The following SLCO2A1 variants were observed in gnomAD, a reference collection of about 807,000 sequenced individuals.
SLCO2A1 encodes matrin F/G 1.
A neutral mutation model predicts 71.7 loss-of-function variants in SLCO2A1; 60 were observed. The observed-to-expected ratio is 0.84, with a 90% CI of 0.68 to 1.04. The LOEUF is 1.04. Ranked by LOEUF, SLCO2A1 falls within the 50% of genes least tolerant of loss-of-function variation. The pLI is 0.00. For missense variants in SLCO2A1, 745 were observed against 813.4 expected, an observed-to-expected ratio of 0.92 and a Z score of 1.02; for synonymous variants, 308 against 326.7, an observed-to-expected ratio of 0.94 and a Z score of 0.62.
chr3:133,961,784 A>G (rs1026935899), intron 3 of SLCO2A1, among the ~76,000 whole-genome samples: 2 of 152,218 alleles, frequency 1.3e-5, no homozygotes, highest in Non-Finnish European at 2.9e-5. Flanking sequence ...AAGATCTTCC[A>G]AAGAACTTTC....
At chr3:134,029,392 A>G (rs1036478666) in intron 1 of SLCO2A1, among the ~76,000 whole-genome samples, 3 of 152,182 alleles carry the variant, frequency 2.0e-5, no homozygotes, top group Admixed American at 1.3e-4. Context: ...TCTCTCGCTT[A>G]TAACTCTGCC....
intron 1 of SLCO2A1, among the ~76,000 whole-genome samples, chr3:134,001,205 C>T (rs2108069752): frequency 6.6e-6 from 1 of 152,094 alleles, no homozygotes. Flanking sequence ...GCAACCTCTG[C>T]ATTCAAGGGA....
chr3:133,952,451 C>T lies in SLCO2A1; in HGVS notation c.725-1107G>A, dbSNP rs146430685. Among the ~76,000 whole-genome samples the T allele has an allele frequency of 1.5e-3, 221 of 152,302 alleles. 1 individual carries two copies. The highest frequency in any genetic ancestry group is 4.8e-3 in the African/African-American group (201 of 41,560). Reference sequence around the variant, plus strand: ...CCTGCCTTTCAGCCACCCCTTCAGCCGAGCTGGAACTTCGTATCCCACCCA... The same window carrying T: ...CCTGCCTTTCAGCCACCCCTTCAGCTGAGCTGGAACTTCGTATCCCACCCA... On this transcript the variant is annotated intron_variant, in intron 5 of 13. Transcript: ENST00000310926.
chr3:133,962,905 G>A (rs1417379529), intron 3 of SLCO2A1, among the ~76,000 whole-genome samples: 10 of 152,128 alleles, frequency 6.6e-5, no homozygotes, highest in Admixed American at 6.5e-4. Context: ...GAGGGGTCTG[G>A]AGGAGGGAGG....
rs767233599 is a variant in SLCO2A1, at chr3:133,948,701, C to T, written c.941-1G>A. ...AGCCTCAGAAAGATGCATGGAAACC[C>T]TGTGAACAGACCGCTGTCAAGGCTC... On this transcript the variant is annotated splice_acceptor_variant, in intron 7 of 13. Coordinates refer to ENST00000310926, the MANE Select transcript of SLCO2A1 (RefSeq NM_005630.3). LOFTEE classifies it high-confidence loss of function. 5 of 1,613,066 alleles carry T rather than the reference C, an allele frequency of 3.1e-6. No homozygotes were observed. The East Asian group carries it at 6.7e-5, about 22-fold the overall frequency.
intron 2 of SLCO2A1, among the ~76,000 whole-genome samples, chr3:133,977,195 G>A (rs895463269): frequency 6.6e-6 from 1 of 152,164 alleles, no homozygotes; most frequent in African/African-American, 2.4e-5. Flanking sequence ...AGGGTTATAA[G>A]GTCAGAGGAG....
At chr3:133,983,731 C>CCT (rs1934645418) in intron 1 of SLCO2A1, among the ~76,000 whole-genome samples, 1 of 152,242 alleles carries the variant, frequency 6.6e-6, no homozygotes, top group Non-Finnish European at 1.5e-5. Flanking sequence ...GCACCCTGTG[C>CCT]TGACTCCTGT....
chr3:134,023,710 T>C (rs1233393908), intron 1 of SLCO2A1, among the ~76,000 whole-genome samples: 5 of 152,356 alleles, frequency 3.3e-5, no homozygotes, highest in South Asian at 4.1e-4. Flanking sequence ...TGAGACAGGA[T>C]ACCAAGATGC....
intron 1 of SLCO2A1, among the ~76,000 whole-genome samples, chr3:134,018,741 C>A (rs1559960264): frequency 1.3e-5 from 2 of 152,086 alleles, no homozygotes. Flanking sequence ...CAGGATAAGT[C>A]AGCTGCAAAA....
At chr3:133,960,070 A>G (rs1364120268) in intron 3 of SLCO2A1, among the ~76,000 whole-genome samples, 6 of 152,226 alleles carry the variant, frequency 3.9e-5, no homozygotes, top group Non-Finnish European at 8.8e-5. Context: ...CAGTGAGCCA[A>G]GATGGCGCCA....
At chr3:133,996,230 C>T (rs749739504) in intron 1 of SLCO2A1, among the ~76,000 whole-genome samples, 1 of 152,206 alleles carries the variant, frequency 6.6e-6, no homozygotes, top group Non-Finnish European at 1.5e-5. Context: ...GGCCTAGGCC[C>T]ACCCACCACC....
intron 3 of SLCO2A1, 50 bp downstream of exon 3, chr3:133,973,613 G>A: frequency 3.8e-6 from 6 of 1,595,958 alleles, no homozygotes; most frequent in Non-Finnish European, 5.1e-6. Flanking sequence ...AACTTTGTGA[G>A]ATGTTCACCC....
At position 134,029,810 on chromosome 3, in the gene SLCO2A1, G is replaced by A; in HGVS notation, c.-8C>T. The A allele has an allele frequency of 7.0e-7, 1 of 1,434,330 alleles. No homozygotes were observed. Among genetic ancestry groups the A allele is most frequent in the Non-Finnish European group, 9.1e-7 (1 of 1,096,542 alleles). The allele number at this position is 1,434,330 out of a possible 1,614,324, so 88.9% of individuals were successfully genotyped here. On this transcript the variant is annotated 5_prime_UTR_variant, in exon 1 of 14. Coordinates refer to ENST00000310926, the MANE Select transcript of SLCO2A1 (RefSeq NM_005630.3). ...CTTGGGCAGGAGCCCCATGGCTGCGGGCGGCTGGCCGGGCGCGGAGTGGCG... is the reference window on the plus strand; with the variant it reads ...CTTGGGCAGGAGCCCCATGGCTGCGAGCGGCTGGCCGGGCGCGGAGTGGCG...
At chr3:134,028,978 A>G (rs1002810769) in intron 1 of SLCO2A1, among the ~76,000 whole-genome samples, 12 of 103,572 alleles carry the variant, frequency 1.2e-4, no homozygotes, top group Non-Finnish European at 2.0e-5. Context: ...CCCGCTCCCC[A>G]TAACTTGCCT....
At chr3:133,936,238 C>G (rs1480456413) in intron 12 of SLCO2A1, among the ~76,000 whole-genome samples, 1 of 152,146 alleles carries the variant, frequency 6.6e-6, no homozygotes, top group African/African-American at 2.4e-5. Context: ...AGGAGGCTCT[C>G]CAGGCATCGA....
chr3:133,942,741 C>G lies in SLCO2A1; in HGVS notation c.1489G>C (p.Gly497Arg), dbSNP rs201991746. Reference sequence around the variant, plus strand: ...CCTGTCTTTGCTGAAGCGGATCCCCCGGTCACACAGCTGCAGTTCAAATAG... The same window carrying G: ...CCTGTCTTTGCTGAAGCGGATCCCCGGGTCACACAGCTGCAGTTCAAATAG... ...LIYLNCSCVTGGSASAKTGSC... is the reference protein window; with the variant it reads ...LIYLNCSCVTRGSASAKTGSC... The change falls in exon 11 of 14, where the codon GGG becomes CGG. Residue 497 changes from glycine (G) to arginine (R), a missense_variant. Physicochemically the swap from Gly to Arg is moderately radical, Grantham distance 125. Transcript: ENST00000310926. The G allele has an allele frequency of 5.0e-6, 8 of 1,608,568 alleles. No homozygotes were observed. Among genetic ancestry groups the G allele is most frequent in the Admixed American group, 1.7e-5 (1 of 58,616 alleles).
At chr3:133,935,622 G>C (rs1283627287) in intron 13 of SLCO2A1, 152 bp downstream of exon 13, 2 of 815,442 alleles carry the variant, frequency 2.5e-6, no homozygotes, top group Admixed American at 6.4e-5. Flanking sequence ...AGTAGCCCCT[G>C]CTCCCTGTCC....
chr3:133,973,962 G>A lies in SLCO2A1; in HGVS notation c.235-137C>T, dbSNP rs934251246. 10 of 894,122 alleles carry A rather than the reference G, an allele frequency of 1.1e-5. No homozygotes were observed. The African/African-American group carries it at 1.7e-4, about 15-fold the overall frequency. 55.4% of individuals were successfully genotyped at this position (894,122 alleles called of 1,614,324 possible). On this transcript the variant is annotated intron_variant, in intron 2 of 13. Coordinates refer to ENST00000310926, the MANE Select transcript of SLCO2A1 (RefSeq NM_005630.3). ...CAGTGTCAGCTGGGGCCCAGACAGA[G>A]TTACAGTGTCAGCTTTTCCCAGAGA... is the stretch of plus-strand genomic sequence containing the variant.
chr3:133,945,955 T>G (rs1277793206), intron 9 of SLCO2A1, among the ~76,000 whole-genome samples: 2 of 152,214 alleles, frequency 1.3e-5, no homozygotes, highest in East Asian at 3.8e-4. Context: ...TATTTGCCTG[T>G]TGTGGATTAG....
Sources: gnomAD v4.1 joint callset for allele counts (sites outside exome capture counted in the v4.1 genomes callset) on GRCh38, gnomAD v4.1.1 for gene constraint, MANE v1.5 for transcripts, NCBI Gene and HGNC (gene_info 2026-07-23, HGNC 2026-07-21) for gene names.